Variants in AXIN1 observed in about 807,000 individuals in gnomAD.
The protein encoded by AXIN1 is axin 1.
Under a neutral mutation model 76.4 loss-of-function variants are expected in AXIN1, and 30 were observed. The ratio of observed to expected loss-of-function variants is 0.39; its 90% CI spans 0.29 to 0.53. AXIN1 has a LOEUF of 0.53. Among genes scored for constraint, AXIN1 ranks in the 20% least tolerant of loss-of-function variants. The pLI, the probability that AXIN1 is intolerant of heterozygous loss-of-function variation, is 0.66. For synonymous variants in AXIN1, 545 were observed against 501.4 expected (o/e 1.09, Z -1.16); for missense variants, 1,140 against 1,198.8 (o/e 0.95, Z 0.72).
intron 2 of AXIN1, among the ~76,000 whole-genome samples, chr16:342,336 C>T (rs1306427948): frequency 6.6e-6 from 1 of 152,164 alleles, no homozygotes; most frequent in Non-Finnish European, 1.5e-5. Context: ...CGGCAAGGGT[C>T]CGCGGCTTCA....
Position 291,214 on chromosome 16 carries a change from G to A in AXIN1, c.2270C>T (p.Ser757Leu), listed in dbSNP as rs781493273. Reference sequence around the variant, plus strand: ...CTCTGTCTCGGAGAGCTCCATGTCCGACACGGCTGGTACCACGTGCAGCAC... The same window carrying A: ...CTCTGTCTCGGAGAGCTCCATGTCCAACACGGCTGGTACCACGTGCAGCAC... ...APVLHVVPAV[S>L]DMELSETETR... is the part of the protein sequence containing the mutation. The change falls in exon 9 of 11, where the codon TCG (serine) becomes TTG (leucine). Residue 757 changes from serine to leucine, a missense_variant. By Grantham distance (145) the Ser-to-Leu change is moderately radical. Around this residue, in one of 3 missense-constraint regions of AXIN1, gnomAD observed 429 missense variants for 405.8 expected, o/e 1.06. Coordinates refer to ENST00000262320, the MANE Select transcript of AXIN1 (RefSeq NM_003502.4). 1.3e-5 allele frequency: 20 copies of A among 1,588,056 alleles called. No individual in the cohort carries two copies. The highest frequency in any genetic ancestry group is 2.3e-5 in the East Asian group (1 of 43,928).
intron 2 of AXIN1, among the ~76,000 whole-genome samples, chr16:335,146 G>A (rs2053776991): frequency 6.6e-6 from 1 of 152,138 alleles, no homozygotes; most frequent in African/African-American, 2.4e-5. Flanking sequence ...TGTTCACCAT[G>A]GAAATGCTTT....
intron 2 of AXIN1, among the ~76,000 whole-genome samples, chr16:319,905 T>C (rs2053401640): frequency 6.6e-6 from 1 of 152,212 alleles, no homozygotes; most frequent in Non-Finnish European, 1.5e-5. Context: ...GGTTGGTTTA[T>C]CACATCTGCT....
chr16:324,957 C>T (rs911550166), intron 2 of AXIN1, among the ~76,000 whole-genome samples: 2 of 152,222 alleles, frequency 1.3e-5, no homozygotes, highest in Admixed American at 1.3e-4. Flanking sequence ...GGCAAGGAAA[C>T]GGCTGTGTAA....
At chr16:292,952 A>ACGTC (rs2052609278) in intron 8 of AXIN1, 2 of 144,138 alleles carry the variant, frequency 1.4e-5, no homozygotes, top group African/African-American at 7.2e-5. Context: ...TGTGGGCTGG[A>ACGTC]CATCCAGGAT....
At chr16:296,827 G>A (rs1567264325) in intron 7 of AXIN1, among the ~76,000 whole-genome samples, 1 of 152,264 alleles carries the variant, frequency 6.6e-6, no homozygotes, top group East Asian at 1.9e-4. Flanking sequence ...CTCCTGCTCG[G>A]GGCTTCAGGG....
At chr16:321,857 C>A (rs751037714) in intron 2 of AXIN1, among the ~76,000 whole-genome samples, 1 of 152,238 alleles carries the variant, frequency 6.6e-6, no homozygotes, top group Non-Finnish European at 1.5e-5. Context: ...CACAGCCTTG[C>A]CCTTCGTTGA....
chr16:329,344 T>C (rs1326748184), intron 2 of AXIN1, among the ~76,000 whole-genome samples: 1 of 152,010 alleles, frequency 6.6e-6, no homozygotes, highest in African/African-American at 2.4e-5. Flanking sequence ...GATCCCATTT[T>C]TGATGAAAAA....
Position 346,538 on chromosome 16 carries a change from G to T in AXIN1, c.488C>A (p.Ala163Asp), listed in dbSNP as rs2141704416. Residue 163 changes from alanine to aspartate, a missense_variant, in exon 2 of 11, where the codon GCC becomes GAC. Coordinates refer to ENST00000262320, the MANE Select transcript of AXIN1 (RefSeq NM_003502.4). Reference protein sequence around the residue: ...NGIVSRQTKPATKSFIKGCIM... With the variant: ...NGIVSRQTKPDTKSFIKGCIM... ...GCAGCCCTTTATGAAGCTCTTGGTG[G>T]CTGGCTTGGTCTGCCGGGACACGAT... The T allele has an allele frequency of 6.2e-7, 1 of 1,614,172 alleles. No individual in the cohort carries two copies. The highest frequency in any genetic ancestry group is 1.1e-5 in the South Asian group (1 of 91,078).
chr16:308,701 C>A (rs2053092637), intron 4 of AXIN1, among the ~76,000 whole-genome samples: 1 of 152,190 alleles, frequency 6.6e-6, no homozygotes, highest in Non-Finnish European at 1.5e-5. Context: ...TTGGGCCATG[C>A]CTGGCAGGCA....
chr16:291,164 C>G (rs747047315), intron 9 of AXIN1, 26 bp downstream of exon 9: 3 of 1,557,776 alleles, frequency 1.9e-6, no homozygotes, highest in Admixed American at 1.9e-5. Flanking sequence ...TGGGCAGGAC[C>G]GGGAGGACCC....
rs1162957114 is a variant in AXIN1 at position 346,803 on chromosome 16, T to G, written c.223A>C (p.Ser75Arg). The change falls in exon 2 of 11, where the codon AGT becomes CGT. Residue 75 changes from serine to arginine, a missense_variant. Coordinates refer to ENST00000262320, the MANE Select transcript of AXIN1 (RefSeq NM_003502.4). ...DLDLGYEPEG[S>R]ASPTPPYLKW... ...AAGTATGGTGGGGTGGGGGAGGCACTGCCCTCAGGCTCATACCCCAGGTCC... is the reference window on the plus strand; with the variant it reads ...AAGTATGGTGGGGTGGGGGAGGCACGGCCCTCAGGCTCATACCCCAGGTCC... 1 of 1,612,722 alleles carries G rather than the reference T, an allele frequency of 6.2e-7. No individual in the cohort carries two copies. The highest frequency in any genetic ancestry group is 8.5e-7 in the Non-Finnish European group (1 of 1,178,888).
intron 1 of AXIN1, among the ~76,000 whole-genome samples, chr16:351,119 C>CA (rs1223552350): frequency 7.4e-6 from 1 of 134,316 alleles, no homozygotes; most frequent in Admixed American, 7.9e-5. Flanking sequence ...GCAACAAGAG[C>CA]AAAACTCTGT....
At chr16:324,356 G>T (rs1444236565) in intron 2 of AXIN1, among the ~76,000 whole-genome samples, 1 of 152,234 alleles carries the variant, frequency 6.6e-6, no homozygotes, top group African/African-American at 2.4e-5. Context: ...CGGAATGCGG[G>T]TGCATAGAAA....
intron 2 of AXIN1, among the ~76,000 whole-genome samples, chr16:342,045 G>T (rs1397320842): frequency 6.6e-6 from 1 of 152,354 alleles, no homozygotes; most frequent in South Asian, 2.1e-4. Context: ...CCAGATAAGA[G>T]AATAAAAGCT....
rs534775234 is a variant in AXIN1 at position 344,606 on chromosome 16, A to G, written c.878+1542T>C. Among the ~76,000 whole-genome samples the G allele has an allele frequency of 3.3e-5, 5 of 151,548 alleles. No homozygotes were observed. The South Asian group carries it at 1.0e-3, about 32-fold the overall frequency. On this transcript the variant is annotated intron_variant, in intron 2 of 10. Coordinates refer to ENST00000262320, the MANE Select transcript of AXIN1 (RefSeq NM_003502.4). ...CAGGTTCAAGCGATTCTCCTGCTTC[A>G]GCCTCCCGAGGAGCTGGGATTACAG...
At position 352,704 on chromosome 16, in the gene AXIN1, C is replaced by T. The variant is rs1232741997; in HGVS notation, c.-417G>A. On this transcript the variant is annotated 5_prime_UTR_variant, in exon 1 of 11. Coordinates refer to ENST00000262320, the MANE Select transcript of AXIN1 (RefSeq NM_003502.4). Reference sequence around the variant, plus strand: ...GCCGAAGCCCAGGCCCGAGCGCCCCCGCCGGCGGCGTCCGGAAGTGCGGGG... The same window carrying T: ...GCCGAAGCCCAGGCCCGAGCGCCCCTGCCGGCGGCGTCCGGAAGTGCGGGG... 1.9e-5 allele frequency: 3 copies of T among 154,796 alleles called. No homozygotes were observed. The highest frequency in any genetic ancestry group is 7.3e-5 in the African/African-American group (3 of 41,348). 9.6% of individuals were successfully genotyped at this position (154,796 alleles called of 1,614,324 possible).
chr16:292,680 G>C (rs1194255633), intron 8 of AXIN1: 1 of 152,266 alleles, frequency 6.6e-6, no homozygotes, highest in African/African-American at 2.4e-5. Context: ...AAGAGACACT[G>C]ATCTGTGGGG....
At chr16:337,813 G>C (rs573243462) in intron 2 of AXIN1, among the ~76,000 whole-genome samples, 2 of 152,250 alleles carry the variant, frequency 1.3e-5, no homozygotes, top group Non-Finnish European at 2.9e-5. Context: ...ATGGAATCTG[G>C]GCCCTATGGG....
Sources: gnomAD v4.1 joint callset for allele counts (sites outside exome capture counted in the v4.1 genomes callset) on GRCh38, gnomAD v4.1.1 for gene constraint, gnomAD v4.1.1 regional missense constraint, MANE v1.5 for transcripts, NCBI Gene and HGNC (gene_info 2026-07-23, HGNC 2026-07-21) for gene names.